The following STAP1 variants were observed in gnomAD, a reference collection of about 807,000 sequenced individuals.
The protein encoded by STAP1 is signal-transducing adaptor protein 1.
In STAP1, 30 loss-of-function variants were observed where a neutral mutation model predicts 37.8. The observed-to-expected ratio is 0.79, with a 90% confidence interval of 0.59 to 1.08. The LOEUF (loss-of-function observed/expected upper bound fraction) is 1.08. Ranked by LOEUF, STAP1 falls within the 50% of genes least tolerant of loss-of-function variation. The probability of loss-of-function intolerance (pLI) is 0.00; values close to 1 mark genes in which losing one functional copy is unlikely to be tolerated. For missense variants in STAP1, 357 were observed against 349.4 expected, an observed-to-expected ratio of 1.02 and a Z score of -0.17; for synonymous variants, 130 against 116.0, an observed-to-expected ratio of 1.12 and a Z score of -0.78.
intron 8 of STAP1, among the ~76,000 whole-genome samples, chr4:67,603,376 G>A (rs958406305): frequency 1.6e-4 from 25 of 152,142 alleles, no homozygotes; most frequent in Non-Finnish European, 2.8e-4. Flanking sequence ...ACCCCACTGT[G>A]GCCAAACTGG....
chr4:67,587,727 T>C (rs1367174250), intron 6 of STAP1, among the ~76,000 whole-genome samples: 3 of 150,592 alleles, frequency 2.0e-5, no homozygotes, highest in South Asian at 2.1e-4. Flanking sequence ...TTCTTTTTTT[T>C]TTTTTTTTTT....
At chr4:67,573,968 C>T (rs1358743673) in intron 2 of STAP1, among the ~76,000 whole-genome samples, 3 of 151,922 alleles carry the variant, frequency 2.0e-5, no homozygotes, top group African/African-American at 7.2e-5. Flanking sequence ...AAGGCAAGCC[C>T]GTTGCATATA....
intron 8 of STAP1, among the ~76,000 whole-genome samples, chr4:67,601,468 C>T (rs1213907079): frequency 6.6e-6 from 1 of 152,102 alleles, no homozygotes; most frequent in Non-Finnish European, 1.5e-5. Flanking sequence ...GATAAGATGA[C>T]TTCTTATAGC....
At chr4:67,605,705 A>C (rs1728436473) in intron 8 of STAP1, among the ~76,000 whole-genome samples, 1 of 152,242 alleles carries the variant, frequency 6.6e-6, no homozygotes, top group Non-Finnish European at 1.5e-5. Context: ...ACAAAGATAA[A>C]AACTTATCTT....
At position 67,606,781 on chromosome 4, in the gene STAP1, T is replaced by A. The variant is rs569249192; in HGVS notation, c.*424T>A. On this transcript the variant is annotated 3_prime_UTR_variant, in exon 9 of 9. Transcript: ENST00000265404. ...TTTGACCAATTTATCAAATATGTCA[T>A]TTTAATTACCTAGCTGGAAGTTAGA... The A allele has an allele frequency of 1.3e-5, 2 of 153,532 alleles. No individual in the cohort carries two copies. Among genetic ancestry groups the A allele is most frequent in the African/African-American group, 4.8e-5 (2 of 41,642 alleles). The allele number at this position is 153,532 out of a possible 1,614,324, so 9.5% of individuals were successfully genotyped here.
At chr4:67,572,209 G>A (rs181991036) in intron 2 of STAP1, among the ~76,000 whole-genome samples, 135 of 152,248 alleles carry the variant, frequency 8.9e-4, no homozygotes, top group Middle Eastern at 3.4e-3. Context: ...GAAACTGGTA[G>A]GAAACAGAAG....
At chr4:67,578,701 A>G (rs1276735172) in intron 4 of STAP1, among the ~76,000 whole-genome samples, 2 of 152,182 alleles carry the variant, frequency 1.3e-5, no homozygotes, top group Non-Finnish European at 2.9e-5. Flanking sequence ...CGGTACACTA[A>G]GTATGTATAA....
chr4:67,606,503 A>G lies in STAP1; in HGVS notation c.*146A>G. 1.5e-6 allele frequency: 1 copy of G among 675,644 alleles called. No individual in the cohort carries two copies. The allele number at this position is 675,644 out of a possible 1,614,324, so 41.9% of individuals were successfully genotyped here. ...CACCAGAATTAGAATTAAACATTGT[A>G]CCATACAATTTCATTATCTTATCAG... On this transcript the variant is annotated 3_prime_UTR_variant, in exon 9 of 9. Coordinates refer to ENST00000265404, the MANE Select transcript of STAP1 (RefSeq NM_012108.4).
chr4:67,597,423 G>A (rs752630545), intron 8 of STAP1, among the ~76,000 whole-genome samples: 2 of 152,238 alleles, frequency 1.3e-5, no homozygotes, highest in African/African-American at 4.8e-5. Context: ...GGGAAATGTA[G>A]GGTTAGAGCC....
At chr4:67,582,882 A>G (rs995587332) in intron 5 of STAP1, among the ~76,000 whole-genome samples, 2 of 152,196 alleles carry the variant, frequency 1.3e-5, no homozygotes, top group Non-Finnish European at 2.9e-5. Flanking sequence ...TTTGCTCATC[A>G]ATAGGCTAAT....
chr4:67,593,670 C>A (rs572003118), intron 8 of STAP1, among the ~76,000 whole-genome samples: 1 of 152,068 alleles, frequency 6.6e-6, no homozygotes, highest in Non-Finnish European at 1.5e-5. Flanking sequence ...CATAATCATA[C>A]AAGTTAATGG....
chr4:67,559,020 T>A, intron 1 of STAP1, 91 bp downstream of exon 1: 1 of 1,256,784 alleles, frequency 8.0e-7, no homozygotes, highest in Admixed American at 2.8e-5. Context: ...GACCTCCTTG[T>A]TTCTGTTGAA....
chr4:67,573,103 A>G lies in STAP1; in HGVS notation c.192+1948A>G, dbSNP rs561111696. On this transcript the variant is annotated intron_variant, in intron 2 of 8. Transcript: ENST00000265404. Reference sequence around the variant, plus strand: ...AGATTTTTGTCTTACAAAAGGGAAGAATTTAAAGCTGGCTTTAAATATTTG... The same window carrying G: ...AGATTTTTGTCTTACAAAAGGGAAGGATTTAAAGCTGGCTTTAAATATTTG... Among the ~76,000 whole-genome samples, 258 of 152,294 alleles carry G rather than the reference A, an allele frequency of 1.7e-3. 3 individuals are homozygous for G. The highest frequency in any genetic ancestry group is 3.6e-3 in the African/African-American group (149 of 41,552).
intron 2 of STAP1, among the ~76,000 whole-genome samples, chr4:67,572,382 T>A (rs1560458099): frequency 6.6e-6 from 1 of 151,922 alleles, no homozygotes; most frequent in Non-Finnish European, 1.5e-5. Context: ...GGGAAAGTAG[T>A]GTGAATTGTA....
intron 6 of STAP1, among the ~76,000 whole-genome samples, chr4:67,586,246 C>T (rs923451010): frequency 1.3e-5 from 2 of 152,124 alleles, no homozygotes; most frequent in Non-Finnish European, 2.9e-5. Flanking sequence ...ATCATGAGGT[C>T]AGGAGTTTGA....
chr4:67,569,419 AT>A (rs1560456853), intron 1 of STAP1, among the ~76,000 whole-genome samples: 3 of 152,164 alleles, frequency 2.0e-5, no homozygotes, highest in Non-Finnish European at 4.4e-5. Context: ...TTTATAAAAA[AT>A]GTTTTTCTTT....
intron 4 of STAP1, among the ~76,000 whole-genome samples, chr4:67,579,138 G>C (rs1727793824): frequency 6.6e-6 from 1 of 152,188 alleles, no homozygotes; most frequent in Non-Finnish European, 1.5e-5. Context: ...ACAGGTGTGA[G>C]CCACCACGCC....
At chr4:67,574,912 A>C (rs1028975538) in intron 2 of STAP1, among the ~76,000 whole-genome samples, 6 of 152,188 alleles carry the variant, frequency 3.9e-5, no homozygotes, top group Admixed American at 3.9e-4. Context: ...GCTGATTTCA[A>C]CCTAACAGTA....
At chr4:67,577,074 A>G (rs1290687284) in intron 3 of STAP1, 129 bp from the exon 4 acceptor site, 12 of 634,026 alleles carry the variant, frequency 1.9e-5, no homozygotes, top group Non-Finnish European at 3.1e-5. Context: ...TAAAAAATAC[A>G]CATTAGTAGT....
Sources: gnomAD v4.1 joint callset for allele counts (sites outside exome capture counted in the v4.1 genomes callset) on GRCh38, gnomAD v4.1.1 for gene constraint, MANE v1.5 for transcripts, NCBI Gene and HGNC (gene_info 2026-07-23, HGNC 2026-07-21) for gene names.